The following KCNT2 variants were observed in gnomAD, a reference collection of about 807,000 sequenced individuals.
The protein encoded by KCNT2 is potassium sodium-activated channel subfamily T member 2, also known as potassium channel subfamily T member 2.
A neutral mutation model predicts 153.8 loss-of-function variants in KCNT2; 67 were observed. That is an observed-to-expected ratio of 0.44 (90% CI 0.36 to 0.53). The LOEUF (loss-of-function observed/expected upper bound fraction) is 0.53. KCNT2 is among the 20% of genes least tolerant of loss of function. The pLI is 0.00. For missense variants in KCNT2, 975 were observed against 1,354.8 expected (o/e 0.72, Z 4.40); for synonymous variants, 500 against 458.8 (o/e 1.09, Z -1.15).
chr1:196,299,838 T>C (rs1661015017), intron 22 of KCNT2, among the ~76,000 whole-genome samples: 1 of 152,156 alleles, frequency 6.6e-6, no homozygotes, highest in Non-Finnish European at 1.5e-5. Flanking sequence ...GGCCAAGATA[T>C]GGAATTAACC....
intron 25 of KCNT2, among the ~76,000 whole-genome samples, chr1:196,264,456 A>C (rs924399283): frequency 2.0e-5 from 3 of 152,030 alleles, no homozygotes; most frequent in Admixed American, 2.0e-4. Flanking sequence ...ACATTCATTT[A>C]CCATATCTCA....
intron 1 of KCNT2, among the ~76,000 whole-genome samples, chr1:196,548,361 A>G (rs1050509111): frequency 1.3e-5 from 2 of 152,136 alleles, no homozygotes; most frequent in Non-Finnish European, 2.9e-5. Context: ...ATGAACAGAC[A>G]CTTCTCAAAA....
At chr1:196,338,948 CAAAAAAAAAAAA>C (rs976388530) in intron 16 of KCNT2, among the ~76,000 whole-genome samples, 107 of 37,736 alleles carry the variant, frequency 2.8e-3, no homozygotes, top group African/African-American at 7.7e-3. Flanking sequence ...TGCTTTTTAG[CAAAAAAAAAAAA>C]AAAAAAAAAA....
intron 27 of KCNT2, among the ~76,000 whole-genome samples, chr1:196,235,084 TC>T (rs1654311775): frequency 6.6e-6 from 1 of 151,436 alleles, no homozygotes; most frequent in Admixed American, 6.6e-5. Context: ...AACTTTAAAT[TC>T]ATTTTGTCAC....
intron 25 of KCNT2, among the ~76,000 whole-genome samples, chr1:196,274,148 G>T (rs1363168276): frequency 6.6e-6 from 1 of 151,504 alleles, no homozygotes; most frequent in African/African-American, 2.4e-5. Flanking sequence ...ATTGGCTATG[G>T]AATCTAAACT....
intron 16 of KCNT2, among the ~76,000 whole-genome samples, chr1:196,335,982 T>A (rs1217964154): frequency 6.6e-6 from 1 of 152,120 alleles, no homozygotes; most frequent in Non-Finnish European, 1.5e-5. Context: ...CATATACCCC[T>A]GGATCCCTTG....
chr1:196,593,099 C>T (rs1663583842), intron 1 of KCNT2, among the ~76,000 whole-genome samples: 2 of 150,554 alleles, frequency 1.3e-5, no homozygotes, highest in Admixed American at 6.6e-5. Flanking sequence ...TGCCGAGTCC[C>T]CAAAGTCCAT....
intron 24 of KCNT2, among the ~76,000 whole-genome samples, 162 bp downstream of exon 24, chr1:196,282,111 G>A (rs968454835): frequency 2.0e-5 from 3 of 152,060 alleles, no homozygotes; most frequent in Non-Finnish European, 2.9e-5. Context: ...AAAATAATAT[G>A]TTTTCCTTGA....
chr1:196,309,345 T>C (rs1191864895), intron 21 of KCNT2, among the ~76,000 whole-genome samples: 1 of 152,042 alleles, frequency 6.6e-6, no homozygotes. Flanking sequence ...TATTCTTTTA[T>C]AACACATTTT....
intron 22 of KCNT2, among the ~76,000 whole-genome samples, chr1:196,299,373 A>G (rs1261065885): frequency 6.6e-6 from 1 of 151,764 alleles, no homozygotes; most frequent in Non-Finnish European, 1.5e-5. Flanking sequence ...AAAAATCAGC[A>G]AAAAAAAGTG....
intron 27 of KCNT2, among the ~76,000 whole-genome samples, chr1:196,228,856 A>C (rs911801693): frequency 7.2e-5 from 11 of 152,118 alleles, no homozygotes; most frequent in Non-Finnish European, 4.4e-5. Flanking sequence ...ATATTTTATG[A>C]ATCTATAAAA....
chr1:196,265,613 C>T (rs1657465426), intron 25 of KCNT2, among the ~76,000 whole-genome samples: 1 of 152,148 alleles, frequency 6.6e-6, no homozygotes, highest in Non-Finnish European at 1.5e-5. Flanking sequence ...ATACCTGTTA[C>T]TTTGTGCACT....
chr1:196,467,999 C>T (rs560048201), intron 6 of KCNT2, among the ~76,000 whole-genome samples: 1 of 151,962 alleles, frequency 6.6e-6, no homozygotes, highest in Non-Finnish European at 1.5e-5. Flanking sequence ...ATTGCAGAAG[C>T]AAAAAGAAAA....
At chr1:196,316,295 T>C (rs1005486900) in intron 20 of KCNT2, among the ~76,000 whole-genome samples, 2 of 151,730 alleles carry the variant, frequency 1.3e-5, no homozygotes, top group African/African-American at 4.8e-5. Context: ...TAATTTTTAT[T>C]AATTATATAC....
In KCNT2 at chr1:196,492,641, C is replaced by T. The variant is rs140192624; in HGVS notation, c.96-300G>A. On this transcript the variant is annotated intron_variant, in intron 1 of 27. Transcript: ENST00000294725. ...TTGTATTAATGAATATAATGAGTGG[C>T]ATGGATTATTCAAAACAGCAATAAT... 1.6e-3 allele frequency among the ~76,000 whole-genome samples: 246 copies of T among 152,128 alleles called. 3 individuals carry two copies. Among genetic ancestry groups the T allele is most frequent in the Non-Finnish European group, 1.6e-3 (110 of 67,954 alleles).
intron 3 of KCNT2, among the ~76,000 whole-genome samples, chr1:196,485,253 A>G (rs1255424964): frequency 6.6e-6 from 1 of 152,056 alleles, no homozygotes; most frequent in African/African-American, 2.4e-5. Context: ...CAATGAGATC[A>G]CATGGACACA....
At chr1:196,509,847 G>T (rs1335490671) in intron 1 of KCNT2, among the ~76,000 whole-genome samples, 1 of 152,120 alleles carries the variant, frequency 6.6e-6, no homozygotes, top group African/African-American at 2.4e-5. Context: ...CTGAACTTCT[G>T]GAGATTAATA....
At chr1:196,316,652 G>A (rs1043806826) in intron 20 of KCNT2, among the ~76,000 whole-genome samples, 16 of 151,496 alleles carry the variant, frequency 1.1e-4, no homozygotes, top group Admixed American at 2.6e-4. Flanking sequence ...TGAATAACCC[G>A]ATTTCTTTGG....
At chr1:196,414,573 GTTGT>G (rs1188292230) in intron 12 of KCNT2, among the ~76,000 whole-genome samples, 1 of 151,802 alleles carries the variant, frequency 6.6e-6, no homozygotes, top group Non-Finnish European at 1.5e-5. Flanking sequence ...TGTTGTTGTT[GTTGT>G]TTGTTGTTGT....
Sources: gnomAD v4.1 joint callset for allele counts (sites outside exome capture counted in the v4.1 genomes callset) on GRCh38, gnomAD v4.1.1 for gene constraint, MANE v1.5 for transcripts, NCBI Gene and HGNC (gene_info 2026-07-23, HGNC 2026-07-21) for gene names.